Variants in IGSF21 observed in about 807,000 individuals in gnomAD.
IGSF21 encodes the protein immunoglobulin superfamily member 21.
In IGSF21, 28 loss-of-function variants were observed where a neutral mutation model predicts 46.8. The ratio of observed to expected loss-of-function variants is 0.60; its 90% confidence interval spans 0.44 to 0.82. The LOEUF is 0.82. IGSF21 is among the 40% of genes least tolerant of loss of function. IGSF21 has a pLI of 0.00. For missense variants in IGSF21, 624 were observed against 665.5 expected, an observed-to-expected ratio of 0.94 and a Z score of 0.69; for synonymous variants, 284 against 273.6, an observed-to-expected ratio of 1.04 and a Z score of -0.38.
At chr1:18,362,307 T>A (rs2086110055) in intron 5 of IGSF21, 77 bp downstream of exon 5, 3 of 1,030,250 alleles carry the variant, frequency 2.9e-6, no homozygotes, top group Non-Finnish European at 4.4e-6. Context: ...GCTGCAGGTG[T>A]CGCCACTGTG....
chr1:18,228,104 C>A, intron 2 of IGSF21, 94 bp downstream of exon 2: 1 of 958,140 alleles, frequency 1.0e-6, no homozygotes, highest in Non-Finnish European at 1.7e-6. Flanking sequence ...GTGGCTATGA[C>A]CTCAGCCCTG....
intron 1 of IGSF21, among the ~76,000 whole-genome samples, chr1:18,169,073 A>G (rs1483262999): frequency 6.6e-6 from 1 of 152,208 alleles, no homozygotes; most frequent in Non-Finnish European, 1.5e-5. Flanking sequence ...ACCTAGGAGC[A>G]CCCACTTGGC....
At chr1:18,225,303 C>T (rs979047881) in intron 1 of IGSF21, among the ~76,000 whole-genome samples, 1 of 151,924 alleles carries the variant, frequency 6.6e-6, no homozygotes, top group African/African-American at 2.4e-5. Context: ...CCTGGCATGC[C>T]TCTGTGAATT....
At chr1:18,371,290 G>A (rs2086221026) in intron 6 of IGSF21, among the ~76,000 whole-genome samples, 1 of 152,218 alleles carries the variant, frequency 6.6e-6, no homozygotes, top group African/African-American at 2.4e-5. Flanking sequence ...ATGTTGATCA[G>A]GCTGGGCACG....
chr1:18,207,691 T>A (rs1018240649), intron 1 of IGSF21, among the ~76,000 whole-genome samples: 1 of 152,214 alleles, frequency 6.6e-6, no homozygotes, highest in South Asian at 2.1e-4. Flanking sequence ...AAGCAAGTAC[T>A]GGATTTGGTA....
At position 18,203,480 on chromosome 1, in the gene IGSF21, T is replaced by C. The variant is rs180921358; in HGVS notation, c.71-24418T>C. Among the ~76,000 whole-genome samples, 384 of 152,330 alleles carry C rather than the reference T, an allele frequency of 2.5e-3. 2 individuals are homozygous for C. Among genetic ancestry groups the C allele is most frequent in the African/African-American group, 8.2e-3 (342 of 41,562 alleles). On this transcript the variant is annotated intron_variant, in intron 1 of 9. Coordinates refer to ENST00000251296, the MANE Select transcript of IGSF21 (RefSeq NM_032880.5). ...CATGCCGCCACACCTGGCTAGGTTT[T>C]GTATTTTTAGTAGAGACAGGGTTTC...
chr1:18,140,205 C>T (rs971425900), intron 1 of IGSF21, among the ~76,000 whole-genome samples: 1 of 152,212 alleles, frequency 6.6e-6, no homozygotes, highest in African/African-American at 2.4e-5. Flanking sequence ...CACTCGGCAT[C>T]CCAGAGTGCT....
At chr1:18,143,126 C>A (rs942450460) in intron 1 of IGSF21, among the ~76,000 whole-genome samples, 1 of 152,202 alleles carries the variant, frequency 6.6e-6, no homozygotes, top group African/African-American at 2.4e-5. Flanking sequence ...CCAAGGCTCC[C>A]GCAGATGAGT....
intron 3 of IGSF21, among the ~76,000 whole-genome samples, chr1:18,328,486 G>A (rs961444090): frequency 6.6e-6 from 1 of 152,196 alleles, no homozygotes; most frequent in African/African-American, 2.4e-5. Flanking sequence ...TTGAACCATT[G>A]TGAGTCGGGG....
intron 2 of IGSF21, among the ~76,000 whole-genome samples, chr1:18,269,416 G>A (rs2085022055): frequency 6.6e-6 from 1 of 152,226 alleles, no homozygotes; most frequent in Non-Finnish European, 1.5e-5. Flanking sequence ...GTTGGAGGAG[G>A]AGGAGGAGGA....
At chr1:18,295,686 C>T (rs1279349448) in intron 3 of IGSF21, among the ~76,000 whole-genome samples, 1 of 152,178 alleles carries the variant, frequency 6.6e-6, no homozygotes, top group African/African-American at 2.4e-5. Context: ...CTTCCTCTTA[C>T]CCCTCGCTCT....
chr1:18,172,473 A>G (rs1476265392), intron 1 of IGSF21, among the ~76,000 whole-genome samples: 1 of 152,210 alleles, frequency 6.6e-6, no homozygotes, highest in Non-Finnish European at 1.5e-5. Context: ...GAAGTCTGAG[A>G]TCAGGCTGCC....
In IGSF21 at chr1:18,362,249, C is replaced by G; in HGVS notation, c.540+19C>G. Reference sequence around the variant, plus strand: ...ACCCATGGTGAGTACCCCTGGAGTGCCCAGCTCCTTCCTATCTGCCGGACC... The same window carrying G: ...ACCCATGGTGAGTACCCCTGGAGTGGCCAGCTCCTTCCTATCTGCCGGACC... On this transcript the variant is annotated intron_variant, in intron 5 of 9. Transcript: ENST00000251296. The G allele has an allele frequency of 6.4e-7, 1 of 1,552,376 alleles. No individual in the cohort carries two copies. The highest frequency in any genetic ancestry group is 8.8e-7 in the Non-Finnish European group (1 of 1,130,434).
At chr1:18,306,207 T>A (rs1035872437) in intron 3 of IGSF21, among the ~76,000 whole-genome samples, 30 of 152,112 alleles carry the variant, frequency 2.0e-4, no homozygotes, top group African/African-American at 7.2e-4. Context: ...TCTCCTACCC[T>A]CTCCCTCTTC....
chr1:18,295,874 A>G (rs1483134081), intron 3 of IGSF21, among the ~76,000 whole-genome samples: 1 of 152,128 alleles, frequency 6.6e-6, no homozygotes, highest in Non-Finnish European at 1.5e-5. Flanking sequence ...CTCCAGGGGG[A>G]CAGTTCAGAT....
intron 4 of IGSF21, among the ~76,000 whole-genome samples, chr1:18,341,071 CT>C (rs2085833867): frequency 2.8e-5 from 2 of 70,558 alleles, no homozygotes; most frequent in East Asian, 4.0e-4. Context: ...TCTTCTTCTT[CT>C]TCTTCTCCTC....
intron 1 of IGSF21, among the ~76,000 whole-genome samples, chr1:18,224,720 G>A (rs972485402): frequency 6.6e-6 from 1 of 152,094 alleles, no homozygotes; most frequent in African/African-American, 2.4e-5. Context: ...AGGGAAGAAC[G>A]GGTTTAATTA....
chr1:18,175,237 C>T (rs1364488637), intron 1 of IGSF21, among the ~76,000 whole-genome samples: 4 of 152,202 alleles, frequency 2.6e-5, no homozygotes, highest in African/African-American at 4.8e-5. Context: ...CAAGTCACTT[C>T]CCCTATCTGG....
chr1:18,263,488 C>T (rs1195187581), intron 2 of IGSF21, among the ~76,000 whole-genome samples: 4 of 151,842 alleles, frequency 2.6e-5, no homozygotes, highest in South Asian at 4.2e-4. Flanking sequence ...GCCTCTCACT[C>T]GCTGTAGGAT....
Sources: allele counts gnomAD v4.1 joint callset (sites outside exome capture counted in the v4.1 genomes callset), GRCh38; gene constraint gnomAD v4.1.1; transcripts MANE v1.5; gene names NCBI Gene and HGNC (gene_info 2026-07-23, HGNC 2026-07-21).